CRX: variants seen among roughly 807,000 people sequenced by gnomAD.
CRX encodes the protein cone-rod homeobox.
CRX carries 5 observed loss-of-function variants against 13.1 expected under a neutral mutation model. The ratio of observed to expected loss-of-function variants is 0.38; its 90% CI spans 0.20 to 0.80. CRX has a LOEUF of 0.80. CRX is among the 30% of genes least tolerant of loss of function. CRX has a pLI of 0.43. For missense variants in CRX, 351 were observed against 391.8 expected (o/e 0.90, Z 0.88); for synonymous variants, 179 against 171.1 (o/e 1.05, Z -0.36).
intron 1 of CRX, among the ~76,000 whole-genome samples, chr19:47,826,467 C>A (rs1163688764): frequency 1.3e-5 from 2 of 152,088 alleles, no homozygotes; most frequent in African/African-American, 4.8e-5. Context: ...ATTAGCTAGG[C>A]GTTGTGGCAC....
intron 1 of CRX, among the ~76,000 whole-genome samples, chr19:47,823,752 C>T (rs1241860512): frequency 1.3e-5 from 2 of 150,360 alleles, no homozygotes; most frequent in South Asian, 2.1e-4. Context: ...CAGGTTCAAG[C>T]GATTCTCCTG....
At chr19:47,835,237 T>C (rs1242189130) in intron 2 of CRX, among the ~76,000 whole-genome samples, 2 of 151,768 alleles carry the variant, frequency 1.3e-5, no homozygotes, top group African/African-American at 2.4e-5. Flanking sequence ...ATTTTTTTTT[T>C]TGTAGAGATT....
rs113560570 is a variant in CRX, at chr19:47,842,122, G to A, written c.*2155G>A. ...GAAAGGCGAGATGTGAAGAGAGGCC[G>A]GGAGGTATCAGATGACGTTTCCAGC... On this transcript the variant is annotated 3_prime_UTR_variant, in exon 4 of 4. Transcript: ENST00000221996. 6,099 of 152,904 alleles carry A rather than the reference G, an allele frequency of 0.04. 397 individuals are homozygous for A. The highest frequency in any genetic ancestry group is 0.14 in the African/African-American group (5,755 of 41,566). The allele number at this position is 152,904 out of a possible 1,614,324, so 9.5% of individuals were successfully genotyped here.
intron 1 of CRX, among the ~76,000 whole-genome samples, chr19:47,825,464 G>T (rs1410263323): frequency 6.6e-6 from 1 of 152,148 alleles, no homozygotes; most frequent in African/African-American, 2.4e-5. Flanking sequence ...GCCTCAGGTT[G>T]CTGCCAAACC....
Position 47,825,847 on chromosome 19 carries a change from G to GGGAGGT in CRX, c.-36+3844_-36+3849dup, listed in dbSNP as rs572957392. 1.9e-4 allele frequency among the ~76,000 whole-genome samples: 29 copies of GGGAGGT among 152,184 alleles called. No homozygotes were observed. The East Asian group carries it at 5.6e-3, about 29-fold the overall frequency. On this transcript the variant is annotated intron_variant, in intron 1 of 3. Transcript: ENST00000221996. ...TGAGGCAGAAGAATCGCTTGAATCC[G>GGGAGGT]GGAGGTGGAGGTTGCAGTGAGCCAA... is the stretch of plus-strand genomic sequence containing the variant.
chr19:47,830,917 G>A (rs1327808906), intron 1 of CRX, among the ~76,000 whole-genome samples: 2 of 152,052 alleles, frequency 1.3e-5, no homozygotes, highest in Non-Finnish European at 2.9e-5. Flanking sequence ...CAATACAACT[G>A]TAACCTTTGA....
Position 47,839,499 on chromosome 19 carries a change from C to T in CRX, c.432C>T (p.Pro144=), listed in dbSNP as rs1460337100. ...TGGGCATCTCAGATTCCTACAGTCC[C>T]CCTCTGCCCGGCCCCTCAGGCTCCC... ...DPLGISDSYS[P]PLPGPSGSPT... Residue 144 remains proline, a synonymous_variant, in exon 4 of 4, where the codon CCC becomes CCT. Coordinates refer to ENST00000221996, the MANE Select transcript of CRX (RefSeq NM_000554.6). The surrounding 1 kb of genome is among the most constrained non-coding windows in gnomAD (Gnocchi z 4.6). The T allele has an allele frequency of 3.1e-6, 5 of 1,613,992 alleles. No individual in the cohort carries two copies. The highest frequency in any genetic ancestry group is 1.1e-5 in the South Asian group (1 of 91,084).
At chr19:47,837,037 T>C (rs1200756947) in intron 3 of CRX, among the ~76,000 whole-genome samples, 1 of 152,152 alleles carries the variant, frequency 6.6e-6, no homozygotes, top group Non-Finnish European at 1.5e-5. Context: ...GATGGATACA[T>C]GTATATATGT....
chr19:47,830,425 G>A (rs555065147), intron 1 of CRX, among the ~76,000 whole-genome samples: 176 of 151,638 alleles, frequency 1.2e-3, no homozygotes, highest in Middle Eastern at 6.8e-3. Context: ...AATTTGGGCC[G>A]GGTGCAGTGG....
At chr19:47,828,645 G>C (rs77079875) in intron 1 of CRX, among the ~76,000 whole-genome samples, 1,547 of 138,598 alleles carry the variant, frequency 0.011, 9 homozygotes, top group Non-Finnish European at 0.019. Flanking sequence ...TCCAGTTTAG[G>C]GGCGTAGGTT....
In CRX at chr19:47,828,336, T is replaced by G. The variant is rs74606990; in HGVS notation, c.-35-6073T>G. ...TGAACAGTAGAATCTCAACTTAAAA[T>G]AAACAGAATCTGTCCCCCTCCTCAT... On this transcript the variant is annotated intron_variant, in intron 1 of 3. Transcript: ENST00000221996. Among the ~76,000 whole-genome samples, 5 of 152,078 alleles carry G rather than the reference T, an allele frequency of 3.3e-5. No individual in the cohort carries two copies. The East Asian group carries it at 9.7e-4, about 29-fold the overall frequency.
rs151312775 is a variant in CRX, at chr19:47,837,458, C to T, written c.252+1064C>T. ...CTGGGATTACAGGCGTGAGCCACCG[C>T]GCCCGGCCGGATGGGTGTATTTATG... On this transcript the variant is annotated intron_variant, in intron 3 of 3. Transcript: ENST00000221996. 8.1e-3 allele frequency among the ~76,000 whole-genome samples: 1,227 copies of T among 152,274 alleles called. 8 individuals are homozygous for T. Among genetic ancestry groups the T allele is most frequent in the African/African-American group, 0.028 (1,154 of 41,562 alleles).
chr19:47,826,970 C>T (rs972559020), intron 1 of CRX, among the ~76,000 whole-genome samples: 3 of 152,096 alleles, frequency 2.0e-5, no homozygotes, highest in African/African-American at 7.2e-5. Context: ...CATTTCTTTG[C>T]CACATAGACC....
intron 2 of CRX, 118 bp from the exon 3 acceptor site, chr19:47,836,125 C>A: frequency 7.7e-7 from 1 of 1,293,084 alleles, no homozygotes; most frequent in Non-Finnish European, 1.1e-6. Flanking sequence ...ATGTGTATTC[C>A]ATCCTTAGTT....
intron 1 of CRX, among the ~76,000 whole-genome samples, chr19:47,826,665 G>A (rs566802915): frequency 1.3e-4 from 20 of 152,292 alleles, no homozygotes; most frequent in African/African-American, 4.3e-4. Context: ...ACCTCCCAAG[G>A]TTGTGCTGGG....
At chr19:47,836,441 C>G in intron 3 of CRX, 47 bp downstream of exon 3, 1 of 1,612,896 alleles carries the variant, frequency 6.2e-7, no homozygotes, top group African/African-American at 1.3e-5. Context: ...CCTGTGATCT[C>G]AGGAGGCCTG....
intron 1 of CRX, among the ~76,000 whole-genome samples, chr19:47,827,917 G>T (rs1324769101): frequency 7.0e-6 from 1 of 142,976 alleles, no homozygotes; most frequent in African/African-American, 2.6e-5. Context: ...ACTTTGGGAG[G>T]CCGAGGCGGG....
chr19:47,826,870 G>A (rs1338003757), intron 1 of CRX, among the ~76,000 whole-genome samples: 3 of 152,106 alleles, frequency 2.0e-5, no homozygotes, highest in Non-Finnish European at 2.9e-5. Context: ...GTCAGATGTC[G>A]GCCAGGACTG....
chr19:47,831,939 A>G (rs1237336299), intron 1 of CRX, among the ~76,000 whole-genome samples: 1 of 150,096 alleles, frequency 6.7e-6, no homozygotes, highest in Non-Finnish European at 1.5e-5. Context: ...ACGTTTCACC[A>G]TGTTGGCCAG....
Sources: allele counts gnomAD v4.1 joint callset (sites outside exome capture counted in the v4.1 genomes callset), GRCh38; gene constraint gnomAD v4.1.1; non-coding constraint Gnocchi (gnomAD v3.1); transcripts MANE v1.5; gene names NCBI Gene and HGNC (gene_info 2026-07-23, HGNC 2026-07-21).